STK38L: variants seen among roughly 807,000 people sequenced by gnomAD.
STK38L encodes serine/threonine-protein kinase 38-like.
STK38L carries 28 observed loss-of-function variants against 59.7 expected under a neutral mutation model. The ratio of observed to expected loss-of-function variants is 0.47; its 90% CI spans 0.35 to 0.64. The LOEUF (loss-of-function observed/expected upper bound fraction) is 0.64. Among genes scored for constraint, STK38L ranks in the 30% least tolerant of loss-of-function variants. The pLI, the probability that STK38L is intolerant of heterozygous loss-of-function variation, is 0.01. For synonymous variants in STK38L, 162 were observed against 176.8 expected, an observed-to-expected ratio of 0.92 and a Z score of 0.66; for missense variants, 314 against 555.8, an observed-to-expected ratio of 0.56 and a Z score of 4.37.
Position 27,315,132 on chromosome 12 carries a change from T to C in STK38L, c.775+15T>C. The C allele has an allele frequency of 6.2e-7, 1 of 1,608,524 alleles. No homozygotes were observed. Among genetic ancestry groups the C allele is most frequent in the Non-Finnish European group, 8.5e-7 (1 of 1,175,532 alleles). On this transcript the variant is annotated intron_variant, in intron 8 of 13. Coordinates refer to ENST00000389032, the MANE Select transcript of STK38L (RefSeq NM_015000.4). Reference sequence around the variant, plus strand: ...AAGTGACTTCTGTAAGTTTGGTTGTTGTTTTTCTTCTTTCCCCTGGTTAAG... The same window carrying C: ...AAGTGACTTCTGTAAGTTTGGTTGTCGTTTTTCTTCTTTCCCCTGGTTAAG...
chr12:27,277,364 C>CAG (rs1440898114), intron 1 of STK38L, among the ~76,000 whole-genome samples: 1 of 148,442 alleles, frequency 6.7e-6, no homozygotes, highest in East Asian at 2.0e-4. Flanking sequence ...AACACACACA[C>CAG]ACACAGCAGT....
chr12:27,256,878 T>C (rs1236379170), intron 1 of STK38L, among the ~76,000 whole-genome samples: 2 of 152,300 alleles, frequency 1.3e-5, no homozygotes, highest in Admixed American at 6.5e-5. Flanking sequence ...CCTCCATGTG[T>C]TTTATTTTGT....
At chr12:27,282,916 G>C (rs1368780002) in intron 1 of STK38L, among the ~76,000 whole-genome samples, 2 of 152,160 alleles carry the variant, frequency 1.3e-5, no homozygotes, top group African/African-American at 4.8e-5. Flanking sequence ...GCTTCACCAT[G>C]TCTAGCTGTA....
chr12:27,262,545 A>G (rs887448061), intron 1 of STK38L, among the ~76,000 whole-genome samples: 1 of 151,992 alleles, frequency 6.6e-6, no homozygotes, highest in Non-Finnish European at 1.5e-5. Flanking sequence ...ATTTTAGAAT[A>G]ATATGGGTAA....
intron 1 of STK38L, among the ~76,000 whole-genome samples, chr12:27,270,562 G>A (rs1452972479): frequency 6.6e-6 from 1 of 152,092 alleles, no homozygotes; most frequent in Non-Finnish European, 1.5e-5. Context: ...ATTTTTAGTA[G>A]AGATGGGGTT....
At chr12:27,246,272 G>A (rs1309760690) in intron 1 of STK38L, among the ~76,000 whole-genome samples, 1 of 152,124 alleles carries the variant, frequency 6.6e-6, no homozygotes, top group African/African-American at 2.4e-5. Flanking sequence ...AGTGAAATTG[G>A]ATAACGCACC....
chr12:27,257,109 A>G (rs1943106630), intron 1 of STK38L, among the ~76,000 whole-genome samples: 1 of 152,236 alleles, frequency 6.6e-6, no homozygotes, highest in Non-Finnish European at 1.5e-5. Flanking sequence ...GGAGAGACTG[A>G]CACAAAACCA....
At chr12:27,318,855 G>T (rs1944652854) in intron 11 of STK38L, among the ~76,000 whole-genome samples, 1 of 152,152 alleles carries the variant, frequency 6.6e-6, no homozygotes. Context: ...GCCGGGCGAG[G>T]TGGCGGGCGC....
At chr12:27,269,706 G>C (rs1400973553) in intron 1 of STK38L, among the ~76,000 whole-genome samples, 1 of 152,160 alleles carries the variant, frequency 6.6e-6, no homozygotes, top group African/African-American at 2.4e-5. Flanking sequence ...GCAATGGCGT[G>C]ATCTTGGCTC....
intron 1 of STK38L, among the ~76,000 whole-genome samples, chr12:27,274,839 C>G (rs551034933): frequency 6.6e-6 from 1 of 152,286 alleles, no homozygotes; most frequent in South Asian, 2.1e-4. Context: ...TTCTCTACTT[C>G]CAAACCCAAG....
At chr12:27,297,997 A>G (rs1591911972) in intron 2 of STK38L, 143 bp downstream of exon 2, 3 of 998,434 alleles carry the variant, frequency 3.0e-6, no homozygotes, top group Non-Finnish European at 4.3e-6. Context: ...GACAGTGCAC[A>G]TAGACATGTG....
chr12:27,246,380 C>A (rs1241359127), intron 1 of STK38L, among the ~76,000 whole-genome samples: 3 of 152,038 alleles, frequency 2.0e-5, no homozygotes, highest in Non-Finnish European at 4.4e-5. Context: ...CAAATCAGAG[C>A]CAGAAAGATT....
chr12:27,244,927 C>G (rs1315632531), intron 1 of STK38L, among the ~76,000 whole-genome samples: 1 of 152,230 alleles, frequency 6.6e-6, no homozygotes, highest in Non-Finnish European at 1.5e-5. Context: ...AAAATCATTT[C>G]TCCCACTCCT....
chr12:27,252,800 A>C (rs1943006046), intron 1 of STK38L, among the ~76,000 whole-genome samples: 1 of 152,246 alleles, frequency 6.6e-6, no homozygotes, highest in African/African-American at 2.4e-5. Flanking sequence ...TCCTAAAGGA[A>C]TCACAGACTC....
rs1320233120 is a variant in STK38L, at chr12:27,322,252, G to A, written c.1267+18G>A. Reference sequence around the variant, plus strand: ...ACAACCAGGTAAGACAATCTGTAATGTAACTAACCCTATTAAAAGTCTTTG... The same window carrying A: ...ACAACCAGGTAAGACAATCTGTAATATAACTAACCCTATTAAAAGTCTTTG... On this transcript the variant is annotated intron_variant, in intron 13 of 13. Transcript: ENST00000389032. 1.2e-6 allele frequency: 2 copies of A among 1,613,384 alleles called. No homozygotes were observed. The highest frequency in any genetic ancestry group is 2.2e-5 in the South Asian group (2 of 90,918).
At chr12:27,260,689 C>G (rs1943187282) in intron 1 of STK38L, among the ~76,000 whole-genome samples, 1 of 152,114 alleles carries the variant, frequency 6.6e-6, no homozygotes, top group Admixed American at 6.6e-5. Flanking sequence ...TCATTCAAAC[C>G]TCCTTCTCAA....
chr12:27,252,753 A>G (rs1343929999), intron 1 of STK38L, among the ~76,000 whole-genome samples: 1 of 152,262 alleles, frequency 6.6e-6, no homozygotes, highest in African/African-American at 2.4e-5. Context: ...ACTGAATTGC[A>G]TGTATATGAC....
chr12:27,304,178 G>C (rs1170192353), intron 3 of STK38L, among the ~76,000 whole-genome samples: 1 of 148,920 alleles, frequency 6.7e-6, no homozygotes, highest in Non-Finnish European at 1.5e-5. Flanking sequence ...AGGATCACTT[G>C]AGCTCAGAAG....
chr12:27,253,390 A>G (rs978005388), intron 1 of STK38L, among the ~76,000 whole-genome samples: 3 of 152,008 alleles, frequency 2.0e-5, no homozygotes, highest in African/African-American at 7.3e-5. Context: ...GGTGATAATA[A>G]TGAAGTTCTA....
Sources: gnomAD v4.1 joint callset for allele counts (sites outside exome capture counted in the v4.1 genomes callset) on GRCh38, gnomAD v4.1.1 for gene constraint, MANE v1.5 for transcripts, NCBI Gene and HGNC (gene_info 2026-07-23, HGNC 2026-07-21) for gene names.